SLCO2B1: variants seen among roughly 807,000 people sequenced by gnomAD.
The protein encoded by SLCO2B1 is solute carrier organic anion transporter family member 2B1, also known as OATP-RP2.
A neutral mutation model predicts 67.3 loss-of-function variants in SLCO2B1; 41 were observed. That is an observed-to-expected ratio of 0.61 (90% CI 0.47 to 0.79). The LOEUF (loss-of-function observed/expected upper bound fraction) is 0.79, where lower values mean the gene tolerates loss of function less well. Among genes scored for constraint, SLCO2B1 ranks in the 30% least tolerant of loss-of-function variants. The pLI is 0.00. For synonymous variants in SLCO2B1, 379 were observed against 381.4 expected, an observed-to-expected ratio of 0.99 and a Z score of 0.07; for missense variants, 837 against 920.1, an observed-to-expected ratio of 0.91 and a Z score of 1.17.
At position 75,175,371 on chromosome 11, in the gene SLCO2B1, C is replaced by A. The variant is rs115033326; in HGVS notation, c.972+2802C>A. Among the ~76,000 whole-genome samples the A allele has an allele frequency of 3.4e-3, 520 of 152,120 alleles. 2 individuals carry two copies. Among genetic ancestry groups the A allele is most frequent in the African/African-American group, 0.011 (473 of 41,484 alleles). ...AGGCCCAATGAGGCTGAATTGGCTG[C>A]CAGAAAGTCCAGGCCCCCAGACATG... On this transcript the variant is annotated intron_variant, in intron 7 of 13. Coordinates refer to ENST00000289575, the MANE Select transcript of SLCO2B1 (RefSeq NM_007256.5).
chr11:75,159,051 T>C (rs1198355990), intron 1 of SLCO2B1, among the ~76,000 whole-genome samples: 1 of 152,250 alleles, frequency 6.6e-6, no homozygotes, highest in African/African-American at 2.4e-5. Flanking sequence ...GAAACGAAGT[T>C]TGTGGCTGAC....
intron 7 of SLCO2B1, among the ~76,000 whole-genome samples, chr11:75,175,423 G>T (rs1316432087): frequency 6.6e-6 from 1 of 152,182 alleles, no homozygotes; most frequent in East Asian, 1.9e-4. Flanking sequence ...CAGGGCGAGA[G>T]AATGGGCAAG....
At position 75,186,311 on chromosome 11, in the gene SLCO2B1, C is replaced by T. The variant is rs1039161285; in HGVS notation, c.973-1825C>T. Among the ~76,000 whole-genome samples, 22 of 151,708 alleles carry T rather than the reference C, an allele frequency of 1.5e-4. No homozygotes were observed. In the South Asian group the frequency reaches 1.5e-3, roughly 10 times the overall value. On this transcript the variant is annotated intron_variant, in intron 7 of 13. Transcript: ENST00000289575. ...ACAACCTCCGCCTCCCAGGTTCAAGCGATCTTCCTGCCTCAGCCCCCCTAG... is the reference window on the plus strand; with the variant it reads ...ACAACCTCCGCCTCCCAGGTTCAAGTGATCTTCCTGCCTCAGCCCCCCTAG...
chr11:75,189,342 T>C (rs1360804225), intron 8 of SLCO2B1, among the ~76,000 whole-genome samples: 26 of 152,176 alleles, frequency 1.7e-4, no homozygotes, highest in Admixed American at 1.7e-3. Context: ...CTTTTCTAAA[T>C]TGAGTTTCCT....
At chr11:75,180,825 G>T (rs571342787) in intron 7 of SLCO2B1, among the ~76,000 whole-genome samples, 6 of 152,194 alleles carry the variant, frequency 3.9e-5, no homozygotes, top group African/African-American at 7.2e-5. Context: ...TCTTATACCA[G>T]AGGGACTTGG....
intron 7 of SLCO2B1, among the ~76,000 whole-genome samples, chr11:75,178,437 CCTTTT>C (rs1194847620): frequency 6.6e-6 from 1 of 152,076 alleles, no homozygotes; most frequent in Non-Finnish European, 1.5e-5. Context: ...AGAAAAAGTG[CCTTTT>C]TTCTAAACTT....
In SLCO2B1 at chr11:75,169,661, T is replaced by C. The variant is rs756747671; in HGVS notation, c.683-5T>C. ...GAGGATCCTAACTCAGGCTTTGTGT[T>C]GTAGGGATCCTGTTTGCAGTGACCA... On this transcript the variant is annotated splice_polypyrimidine_tract_variant and splice_region_variant and intron_variant, in intron 5 of 13. Transcript: ENST00000289575. The C allele has an allele frequency of 2.5e-6, 4 of 1,609,098 alleles. No individual in the cohort carries two copies. The African/African-American group carries it at 5.4e-5, about 22-fold the overall frequency.
intron 7 of SLCO2B1, among the ~76,000 whole-genome samples, chr11:75,173,539 T>G (rs1949990326): frequency 6.6e-6 from 1 of 152,090 alleles, no homozygotes; most frequent in Non-Finnish European, 1.5e-5. Flanking sequence ...GGTGTGATGC[T>G]CCAGGGGTAT....
chr11:75,183,007 C>T (rs941725358), intron 7 of SLCO2B1, among the ~76,000 whole-genome samples: 2 of 152,150 alleles, frequency 1.3e-5, no homozygotes, highest in Non-Finnish European at 2.9e-5. Context: ...CCTCCCAGAT[C>T]ACTCTCCCAG....
chr11:75,196,662 G>T lies in SLCO2B1; in HGVS notation c.1582G>T (p.Ala528Ser). ...CTGCTCAAGCTGGGTGGTCCAGGAT[G>T]CTCTGGACAACAGCCAGGTGAGTCA... Reference protein sequence around the residue: ...AGCSSWVVQDALDNSQVFYTN... With the variant: ...AGCSSWVVQDSLDNSQVFYTN... The change falls in exon 10 of 14, where the codon GCT becomes TCT. Residue 528 changes from alanine to serine, a missense_variant. Coordinates refer to ENST00000289575, the MANE Select transcript of SLCO2B1 (RefSeq NM_007256.5). 6.2e-7 allele frequency: 1 copy of T among 1,613,504 alleles called. No individual in the cohort carries two copies. The highest frequency in any genetic ancestry group is 8.5e-7 in the Non-Finnish European group (1 of 1,179,832).
At position 75,169,692 on chromosome 11, in the gene SLCO2B1, G is replaced by A. The variant is rs368444230; in HGVS notation, c.709G>A (p.Gly237Arg). The change falls in exon 6 of 14, where the codon GGG becomes AGG. Residue 237 changes from glycine to arginine, a missense_variant. Transcript: ENST00000289575. ...LGILFAVTMM[G>R]PGLAFGLGSL... is the part of the protein sequence containing the mutation. ...GATCCTGTTTGCAGTGACCATGATG[G>A]GGCCAGGCCTGGCCTTTGGGCTGGG... 4.4e-5 allele frequency: 71 copies of A among 1,613,266 alleles called. No homozygotes were observed. Among genetic ancestry groups the A allele is most frequent in the Non-Finnish European group, 5.4e-5 (64 of 1,179,722 alleles).
chr11:75,197,291 A>G (rs541852553), intron 10 of SLCO2B1, among the ~76,000 whole-genome samples: 18 of 152,324 alleles, frequency 1.2e-4, no homozygotes, highest in African/African-American at 3.8e-4. Flanking sequence ...AGATGAAAAG[A>G]GACACATCCC....
intron 1 of SLCO2B1, among the ~76,000 whole-genome samples, chr11:75,153,378 G>A (rs772486356): frequency 1.3e-5 from 2 of 152,196 alleles, no homozygotes; most frequent in Middle Eastern, 3.2e-3. Flanking sequence ...GCAGTCCCAG[G>A]TTCAAATTCC....
chr11:75,161,892 T>A (rs1246088401), intron 1 of SLCO2B1, among the ~76,000 whole-genome samples: 1 of 152,170 alleles, frequency 6.6e-6, no homozygotes, highest in South Asian at 2.1e-4. Flanking sequence ...GAGATACTGA[T>A]GGTTACCATA....
intron 2 of SLCO2B1, 196 bp downstream of exon 2, chr11:75,162,981 T>C: frequency 1.8e-6 from 1 of 563,452 alleles, no homozygotes; most frequent in Admixed American, 3.4e-5. Flanking sequence ...GGCCAGTACA[T>C]GTTCGCTCCT....
intron 6 of SLCO2B1, among the ~76,000 whole-genome samples, chr11:75,170,685 G>A (rs1052992164): frequency 2.6e-5 from 4 of 152,148 alleles, no homozygotes; most frequent in East Asian, 3.9e-4. Flanking sequence ...ACAGATCTGC[G>A]CAGCTCTGAA....
At chr11:75,201,858 C>A (rs1461556969) in intron 11 of SLCO2B1, 3 of 152,160 alleles carry the variant, frequency 2.0e-5, no homozygotes, top group Non-Finnish European at 4.4e-5. Flanking sequence ...GATTAAATCA[C>A]TGGATATTGG....
chr11:75,164,769 G>T (rs1167260713), intron 3 of SLCO2B1, among the ~76,000 whole-genome samples: 3 of 152,138 alleles, frequency 2.0e-5, no homozygotes, highest in Non-Finnish European at 4.4e-5. Context: ...ACAACCCAAG[G>T]CCGTCCAGCT....
chr11:75,183,489 ATCAGGGCTGTCTGAC>A (rs1179008145), intron 7 of SLCO2B1, among the ~76,000 whole-genome samples: 2 of 149,096 alleles, frequency 1.3e-5, no homozygotes, highest in African/African-American at 4.9e-5. Flanking sequence ...CCAGTCCTGC[ATCAGGGCTGTCTGAC>A]TCAGGGGGCT....
Sources: gnomAD v4.1 joint callset for allele counts (sites outside exome capture counted in the v4.1 genomes callset) on GRCh38, gnomAD v4.1.1 for gene constraint, MANE v1.5 for transcripts, NCBI Gene and HGNC (gene_info 2026-07-23, HGNC 2026-07-21) for gene names.